Variants in CATSPER1 observed in about 807,000 individuals in gnomAD.
The protein encoded by CATSPER1 is cation channel sperm associated 1, also known as cation channel sperm-associated protein 1.
In CATSPER1, 57 loss-of-function variants were observed where a neutral mutation model predicts 72.7. The ratio of observed to expected loss-of-function variants is 0.78; its 90% CI spans 0.63 to 0.98. The LOEUF is 0.98. Ranked by LOEUF, CATSPER1 falls within the 50% of genes least tolerant of loss-of-function variation. The pLI is 0.00. For synonymous variants in CATSPER1, 363 were observed against 403.0 expected, an observed-to-expected ratio of 0.90 and a Z score of 1.19; for missense variants, 910 against 1,033.9, an observed-to-expected ratio of 0.88 and a Z score of 1.64.
chr11:66,025,545 G>A lies in CATSPER1; in HGVS notation c.835C>T (p.His279Tyr), dbSNP rs201195978. ...QGDHHPSEYHHGDHPHHTQHH... is the reference protein window; with the variant it reads ...QGDHHPSEYHYGDHPHHTQHH... ...TGTGTGTGGTGGGGATGGTCGCCAT[G>A]GTGGTACTCACTGGGGTGGTGATCA... Residue 279 changes from histidine to tyrosine, a missense_variant, in exon 1 of 12, where the codon CAT becomes TAT. Coordinates refer to ENST00000312106, the MANE Select transcript of CATSPER1 (RefSeq NM_053054.4). 1 of 1,602,462 alleles carries A rather than the reference G, an allele frequency of 6.2e-7. No individual in the cohort carries two copies. The highest frequency in any genetic ancestry group is 2.3e-5 in the East Asian group (1 of 44,414).
intron 2 of CATSPER1, among the ~76,000 whole-genome samples, chr11:66,022,488 C>A (rs1188439638): frequency 3.9e-5 from 6 of 152,262 alleles, no homozygotes; most frequent in African/African-American, 1.4e-4. Flanking sequence ...GTTGGAGGGC[C>A]CAGCCTTCCC....
chr11:66,025,934 T>C lies in CATSPER1; in HGVS notation c.446A>G (p.His149Arg), dbSNP rs1349457587. Residue 149 changes from histidine to arginine, a missense_variant, in exon 1 of 12, where the codon CAT becomes CGT. Coordinates refer to ENST00000312106, the MANE Select transcript of CATSPER1 (RefSeq NM_053054.4). ...SDSHYHRGSHHGRPQYLGENL... is the reference protein window; with the variant it reads ...SDSHYHRGSHRGRPQYLGENL... ...CTCACCGAGATATTGGGGTCTGCCATGGTGAGACCCCCTATGGTAATGGGA... is the reference window on the plus strand; with the variant it reads ...CTCACCGAGATATTGGGGTCTGCCACGGTGAGACCCCCTATGGTAATGGGA... The C allele has an allele frequency of 1.2e-6, 2 of 1,613,234 alleles. No homozygotes were observed. Among genetic ancestry groups the C allele is most frequent in the Non-Finnish European group, 1.7e-6 (2 of 1,179,800 alleles).
In CATSPER1 at chr11:66,020,965, A is replaced by G. The variant is rs760276405; in HGVS notation, c.1784-11T>C. 3.1e-6 allele frequency: 5 copies of G among 1,613,760 alleles called. No homozygotes were observed. The highest frequency in any genetic ancestry group is 1.1e-5 in the South Asian group (1 of 91,084). ...CCGCGGAGAAGAGGACTGGCTGTTC[A>G]GGGCCAAACTCAGCTCTCCAGTGCT... is the stretch of plus-strand genomic sequence containing the variant. On this transcript the variant is annotated splice_polypyrimidine_tract_variant and intron_variant, in intron 5 of 11. Transcript: ENST00000312106. The surrounding 1 kb of genome is among the most constrained non-coding windows in gnomAD (Gnocchi z 4.5).
chr11:66,018,762 C>A, intron 10 of CATSPER1, 65 bp downstream of exon 10: 2 of 1,549,674 alleles, frequency 1.3e-6, no homozygotes, highest in Admixed American at 1.7e-5. Flanking sequence ...TCCCTCCAGC[C>A]CTCCAGCCAG....
intron 1 of CATSPER1, among the ~76,000 whole-genome samples, chr11:66,023,459 CAA>C (rs1369216197): frequency 6.6e-6 from 1 of 152,200 alleles, no homozygotes; most frequent in Non-Finnish European, 1.5e-5. Flanking sequence ...GAGCCTCACA[CAA>C]GCCCGGATTC....
rs1856254688 is a variant in CATSPER1 at position 66,017,143 on chromosome 11, G to C, written c.2233C>G (p.Leu745Val). 6.2e-7 allele frequency: 1 copy of C among 1,606,764 alleles called. No homozygotes were observed. The highest frequency in any genetic ancestry group is 8.5e-7 in the Non-Finnish European group (1 of 1,176,668). ...TGCTCCTGCTCCACGCTTGCCACCAGCTGCAGGTAATGGAACAGGAGCTCC... is the reference window on the plus strand; with the variant it reads ...TGCTCCTGCTCCACGCTTGCCACCACCTGCAGGTAATGGAACAGGAGCTCC... Reference protein sequence around the residue: ...QQELLFHYLQLVASVEQEQQK... With the variant: ...QQELLFHYLQVVASVEQEQQK... Residue 745 changes from leucine (L) to valine (V), a missense_variant, in exon 11 of 12, where the codon CTG (leucine) becomes GTG (valine). Transcript: ENST00000312106.
rs1488391105 is a variant in CATSPER1, at chr11:66,026,006, C to T, written c.374G>A (p.Arg125Lys). Reference protein sequence around the residue: ...YHDELQRDGRRHHDGSQYGGF... With the variant: ...YHDELQRDGRKHHDGSQYGGF... ...ACCGTATTGGGACCCATCATGATGC[C>T]TCCTGCCATCACGTTGGAGCTCATC... Residue 125 changes from arginine to lysine, a missense_variant, in exon 1 of 12, where the codon AGG becomes AAG. Transcript: ENST00000312106. 2 of 1,613,876 alleles carry T rather than the reference C, an allele frequency of 1.2e-6. No individual in the cohort carries two copies. The highest frequency in any genetic ancestry group is 3.3e-5 in the Admixed American group (2 of 59,978).
In CATSPER1 at chr11:66,021,210, G is replaced by A. The variant is rs201501413; in HGVS notation, c.1692-25C>T. On this transcript the variant is annotated intron_variant, in intron 4 of 11. Transcript: ENST00000312106. Reference sequence around the variant, plus strand: ...GCTGTGGGCAGAAGGAGTGGGGACTGAGTCATCGGTGAGGGGCGGGGGTGT... The same window carrying A: ...GCTGTGGGCAGAAGGAGTGGGGACTAAGTCATCGGTGAGGGGCGGGGGTGT... 405 of 1,602,902 alleles carry A rather than the reference G, an allele frequency of 2.5e-4. 4 individuals are homozygous for A. In the East Asian group the frequency reaches 7.7e-3, roughly 31 times the overall value.
intron 4 of CATSPER1, 92 bp from the exon 5 acceptor site, chr11:66,021,277 G>C: frequency 7.4e-7 from 1 of 1,359,730 alleles, no homozygotes; most frequent in Non-Finnish European, 1.0e-6. Flanking sequence ...GAAGGCAGGA[G>C]GCTCCTGACT....
In CATSPER1 at chr11:66,020,477, C is replaced by G. The variant is rs1370888647; in HGVS notation, c.1991+87G>C. ...TTCTTGTGGGTTCAGCGTGGCATGA[C>G]CAGGGTGAGAGGGCTGGGGTAAGGG... is the stretch of plus-strand genomic sequence containing the variant. On this transcript the variant is annotated intron_variant, in intron 7 of 11. Transcript: ENST00000312106. The surrounding 1 kb of genome is among the most constrained non-coding windows in gnomAD (Gnocchi z 4.5). 6 of 1,601,630 alleles carry G rather than the reference C, an allele frequency of 3.7e-6. No homozygotes were observed. The African/African-American group carries it at 8.0e-5, about 21-fold the overall frequency.
At position 66,017,073 on chromosome 11, in the gene CATSPER1, T is replaced by A. The variant is rs895306245; in HGVS notation, c.2303A>T (p.Asp768Val). The change falls in exon 11 of 12, where the codon GAC (aspartate) becomes GTC (valine). Residue 768 changes from aspartate to valine, a missense_variant. Coordinates refer to ENST00000312106, the MANE Select transcript of CATSPER1 (RefSeq NM_053054.4). ...TGCCTGGTTCACCTCAAATGTGGTG[T>A]CCACAATCTCATCGATGACGGCTGC... is the stretch of plus-strand genomic sequence containing the variant. ...SQAAVIDEIVDTTFEAGEEDF... is the reference protein window; with the variant it reads ...SQAAVIDEIVVTTFEAGEEDF... 6.2e-7 allele frequency: 1 copy of A among 1,612,820 alleles called. No individual in the cohort carries two copies. Among genetic ancestry groups the A allele is most frequent in the Non-Finnish European group, 8.5e-7 (1 of 1,179,586 alleles).
At position 66,020,187 on chromosome 11, in the gene CATSPER1, AT is replaced by A. The variant is rs1856325690; in HGVS notation, c.2077del (p.Ile693SerfsTer10). On this transcript the variant is annotated frameshift_variant, in exon 9 of 12. Coordinates refer to ENST00000312106, the MANE Select transcript of CATSPER1 (RefSeq NM_053054.4). LOFTEE classifies it high-confidence loss of function. This position sits in a 1 kb window ranked among gnomAD's most constrained non-coding sequence, Gnocchi z 4.5. Reference sequence around the variant, plus strand: ...TGAGTCTTCCAGCAGCTTCTCTTGGATCCGGGCGGCCCTCTGGGAAGAAGAG... The same window carrying A: ...TGAGTCTTCCAGCAGCTTCTCTTGGACCGGGCGGCCCTCTGGGAAGAAGAG... ...EKAKQERAARIQEKLLEDSLT... is the reference protein window; with the variant it reads ...EKAKQERAARXQEKLLEDSLT... 1.2e-6 allele frequency: 2 copies of A among 1,613,622 alleles called. No individual in the cohort carries two copies. The highest frequency in any genetic ancestry group is 4.5e-5 in the East Asian group (2 of 44,848).
At position 66,017,194 on chromosome 11, in the gene CATSPER1, T is replaced by TGGGGGGGGGGGGGGGGGGGGGGGGGCCCC; in HGVS notation, c.2202-21_2202-20insGGGGCCCCCCCCCCCCCCCCCCCCCCCCC. On this transcript the variant is annotated intron_variant, in intron 10 of 11. Transcript: ENST00000312106. ...TGCTGCCTGCGGGTGGGCGGGGGGG[T>TGGGGGGGGGGGGGGGGGGGGGGGGGCCCC]CGCAGAGACAGGGGCTGGGCTGACC... The TGGGGGGGGGGGGGGGGGGGGGGGGGCCCC allele has an allele frequency of 1.8e-6, 1 of 550,252 alleles. No homozygotes were observed. Among genetic ancestry groups the TGGGGGGGGGGGGGGGGGGGGGGGGGCCCC allele is most frequent in the Non-Finnish European group, 3.4e-6 (1 of 295,832 alleles). 34.1% of individuals were successfully genotyped at this position (550,252 alleles called of 1,614,324 possible). A position where few individuals can be genotyped will look rare whatever the true frequency, so the allele number is the denominator to read the frequency against.
At chr11:66,024,570 G>A (rs760529155) in intron 1 of CATSPER1, among the ~76,000 whole-genome samples, 5 of 152,166 alleles carry the variant, frequency 3.3e-5, no homozygotes, top group African/African-American at 7.2e-5. Context: ...GTGAGTCACC[G>A]CGCCTGGCCT....
At chr11:66,021,236 G>A in intron 4 of CATSPER1, 51 bp from the exon 5 acceptor site, 1 of 1,541,000 alleles carries the variant, frequency 6.5e-7, no homozygotes, top group Non-Finnish European at 8.9e-7. Context: ...GCGGGGGTGT[G>A]TGTCTCTGCC....
Position 66,023,926 on chromosome 11 carries a change from C to T in CATSPER1, c.1217-865G>A, listed in dbSNP as rs113213640. On this transcript the variant is annotated intron_variant, in intron 1 of 11. Coordinates refer to ENST00000312106, the MANE Select transcript of CATSPER1 (RefSeq NM_053054.4). ...CCCATTTAATAACACACTTGCCCCT[C>T]TCTGCTTGTTCCTGAGACTGTTGTC... Among the ~76,000 whole-genome samples, 54 of 151,620 alleles carry T rather than the reference C, an allele frequency of 3.6e-4. 1 individual carries two copies. The highest frequency in any genetic ancestry group is 1.3e-3 in the African/African-American group (52 of 41,340).
chr11:66,025,424 A>C lies in CATSPER1; in HGVS notation c.956T>G (p.Val319Gly), dbSNP rs763036148. The C allele has an allele frequency of 6.2e-7, 1 of 1,612,908 alleles. No individual in the cohort carries two copies. Among genetic ancestry groups the C allele is most frequent in the South Asian group, 1.1e-5 (1 of 91,010 alleles). The change falls in exon 1 of 12, where the codon GTC becomes GGC. Residue 319 changes from valine (V) to glycine (G), a missense_variant. By Grantham distance (109) the Val-to-Gly change is moderately radical (BLOSUM62 -3). Transcript: ENST00000312106. Reference protein sequence around the residue: ...YHSSYLHGDYVQSTSQLSIPH... With the variant: ...YHSSYLHGDYGQSTSQLSIPH... The stretch of plus-strand genomic sequence containing the variant: ...GATAGAGAGTTGGGAAGTGCTCTGG[A>C]CGTAGTCGCCATGGAGGTAACTGGA...
In CATSPER1 at chr11:66,021,753, C is replaced by T. The variant is rs200868978; in HGVS notation, c.1543+13G>A. The T allele has an allele frequency of 2.2e-5, 35 of 1,612,890 alleles. No homozygotes were observed. The highest frequency in any genetic ancestry group is 1.9e-4 in the African/African-American group (14 of 75,022). On this transcript the variant is annotated intron_variant, in intron 3 of 11. Coordinates refer to ENST00000312106, the MANE Select transcript of CATSPER1 (RefSeq NM_053054.4). ...AGACTAAACACACGCAGCCTGGCCCCGGCCGCACCCACCCAAATTGTTCCA... is the reference window on the plus strand; with the variant it reads ...AGACTAAACACACGCAGCCTGGCCCTGGCCGCACCCACCCAAATTGTTCCA...
intron 4 of CATSPER1, 31 bp downstream of exon 4, chr11:66,021,465 C>T: frequency 6.2e-7 from 1 of 1,610,082 alleles, no homozygotes; most frequent in East Asian, 2.2e-5. Flanking sequence ...CTTTGGAGTC[C>T]CCACCCCAGG....
Sources: allele counts gnomAD v4.1 joint callset (sites outside exome capture counted in the v4.1 genomes callset), GRCh38; gene constraint gnomAD v4.1.1; non-coding constraint Gnocchi (gnomAD v3.1); transcripts MANE v1.5; gene names NCBI Gene and HGNC (gene_info 2026-07-23, HGNC 2026-07-21).